Variants in CNRIP1 observed in about 807,000 individuals in gnomAD.
The protein encoded by CNRIP1 is CB1 cannabinoid receptor-interacting protein 1.
CNRIP1 carries 10 observed loss-of-function variants against 15.2 expected under a neutral mutation model. That is an observed-to-expected ratio of 0.66 (90% CI 0.41 to 1.12). CNRIP1 has a LOEUF of 1.12. Among genes scored for constraint, CNRIP1 ranks in the 50% most tolerant of loss-of-function variants. The probability of loss-of-function intolerance (pLI) is 0.00; values close to 1 mark genes in which losing one functional copy is unlikely to be tolerated. For synonymous variants in CNRIP1, 91 were observed against 83.2 expected (o/e 1.09, Z -0.51); for missense variants, 211 against 214.7 (o/e 0.98, Z 0.11).
exon 3 of CNRIP1, chr2:68,284,373 G>C (rs1183635345): frequency 9.5e-6 from 10 of 1,053,910 alleles, no homozygotes; most frequent in Non-Finnish European, 1.1e-5. Flanking sequence ...CAAATAATTT[G>C]GAAAAAAAAA....
At chr2:68,304,740 C>A (rs747305773) in intron 2 of CNRIP1, among the ~76,000 whole-genome samples, 5 of 151,970 alleles carry the variant, frequency 3.3e-5, no homozygotes, top group Non-Finnish European at 7.4e-5. Context: ...CCTGCCTCAA[C>A]CTCCCAAGTA....
intron 1 of CNRIP1, among the ~76,000 whole-genome samples, chr2:68,318,737 A>G (rs72906142): frequency 0.012 from 1,877 of 152,304 alleles, 42 homozygotes; most frequent in African/African-American, 0.043. Context: ...AGGGAGCCCC[A>G]GTAATCACCC....
chr2:68,297,567 CAAAAAAAAAAAAAAAAAAAAAAAAA>C (rs112601365), intron 2 of CNRIP1, among the ~76,000 whole-genome samples: 13,837 of 100,484 alleles, frequency 0.14, 1,534 homozygotes, highest in African/African-American at 0.33. Flanking sequence ...GACACTGTCT[CAAAAAAAAAAAAAAAAAAAAAAAAA>C]AAAAAAAGGA....
intron 2 of CNRIP1, among the ~76,000 whole-genome samples, chr2:68,306,805 T>G (rs1004925117): frequency 2.6e-5 from 4 of 151,458 alleles, no homozygotes; most frequent in African/African-American, 9.7e-5. Context: ...ATTACAAACT[T>G]ACCCTTAAGG....
chr2:68,300,490 G>T (rs1010348897), intron 2 of CNRIP1, among the ~76,000 whole-genome samples: 2 of 152,052 alleles, frequency 1.3e-5, no homozygotes, highest in African/African-American at 4.8e-5. Context: ...GGTGGTGGGT[G>T]CCTGTAATCC....
rs1237940471 is a variant in CNRIP1, at chr2:68,293,691, G to A, written c.*171C>T. The A allele has an allele frequency of 6.5e-6, 9 of 1,384,138 alleles. No individual in the cohort carries two copies. In the African/African-American group the frequency reaches 7.2e-5, roughly 11 times the overall value. 85.7% of individuals were successfully genotyped at this position (1,384,138 alleles called of 1,614,324 possible). ...TGGTACATCACCATCTTGTATGTGAGGGATATTGTGTCAGAGGGGAATTAC... is the reference window on the plus strand; with the variant it reads ...TGGTACATCACCATCTTGTATGTGAAGGATATTGTGTCAGAGGGGAATTAC... On this transcript the variant is annotated 3_prime_UTR_variant, in exon 3 of 3. Transcript: ENST00000263655.
intron 2 of CNRIP1, among the ~76,000 whole-genome samples, chr2:68,307,700 G>A (rs59572725): frequency 0.015 from 2,226 of 152,120 alleles, 56 homozygotes; most frequent in African/African-American, 0.049. Context: ...CTCCCCAGAT[G>A]TTAGATATGT....
chr2:68,318,112 A>G (rs1672344763), intron 1 of CNRIP1, among the ~76,000 whole-genome samples: 1 of 152,016 alleles, frequency 6.6e-6, no homozygotes, highest in African/African-American at 2.4e-5. Flanking sequence ...GGTGCACAGA[A>G]CACTGGGAAA....
chr2:68,302,939 C>T (rs977078714), intron 2 of CNRIP1, among the ~76,000 whole-genome samples: 4 of 151,218 alleles, frequency 2.6e-5, no homozygotes, highest in African/African-American at 4.9e-5. Flanking sequence ...CTCCGCCCCC[C>T]GGGGTTCACG....
chr2:68,289,481 C>CT (rs977972896), downstream of CNRIP1, among the ~76,000 whole-genome samples: 3 of 151,814 alleles, frequency 2.0e-5, no homozygotes, highest in Non-Finnish European at 4.4e-5. Flanking sequence ...CGCTCCTTTT[C>CT]TTTTTTTCTT....
At position 68,299,640 on chromosome 2, in the gene CNRIP1, C is replaced by A. The variant is rs531010803; in HGVS notation, c.331-5614G>T. The stretch of plus-strand genomic sequence containing the variant: ...TGGCATTTTGTTTTAGCAGCCCCAG[C>A]GGAGACAACACTCTACCTGGACATT... On this transcript the variant is annotated intron_variant, in intron 2 of 2. Transcript: ENST00000263655. Among the ~76,000 whole-genome samples the A allele has an allele frequency of 9.3e-4, 141 of 152,284 alleles. 1 individual carries two copies. Among genetic ancestry groups the A allele is most frequent in the African/African-American group, 3.1e-3 (129 of 41,556 alleles).
downstream of CNRIP1, among the ~76,000 whole-genome samples, chr2:68,288,790 T>G (rs2103878788): frequency 6.6e-6 from 1 of 152,276 alleles, no homozygotes; most frequent in South Asian, 2.1e-4. Context: ...AAGGCAAAAC[T>G]ACCAGGTTAT....
At chr2:68,301,817 G>A (rs191473939) in intron 2 of CNRIP1, among the ~76,000 whole-genome samples, 103 of 150,584 alleles carry the variant, frequency 6.8e-4, no homozygotes, top group Non-Finnish European at 9.3e-4. Context: ...GCGTGAACCC[G>A]GGAGGCGGAG....
At chr2:68,301,808 C>T (rs979205827) in intron 2 of CNRIP1, among the ~76,000 whole-genome samples, 4 of 144,258 alleles carry the variant, frequency 2.8e-5, no homozygotes, top group East Asian at 2.2e-4. Context: ...AGGAGAATGG[C>T]GTGAACCCGG....
chr2:68,318,405 C>T (rs538934418), intron 1 of CNRIP1, among the ~76,000 whole-genome samples: 1 of 152,160 alleles, frequency 6.6e-6, no homozygotes, highest in African/African-American at 2.4e-5. Flanking sequence ...GGGGCTCCAC[C>T]CGCAGTTCTT....
chr2:68,286,328 AC>A (rs1671030702), intron 2 of CNRIP1, among the ~76,000 whole-genome samples: 1 of 151,986 alleles, frequency 6.6e-6, no homozygotes, highest in African/African-American at 2.4e-5. Flanking sequence ...ACACACACAC[AC>A]ACACACACAC....
At chr2:68,301,467 G>T (rs749027394) in intron 2 of CNRIP1, among the ~76,000 whole-genome samples, 9 of 152,140 alleles carry the variant, frequency 5.9e-5, no homozygotes, top group Non-Finnish European at 1.2e-4. Flanking sequence ...AACAAGGCAA[G>T]AATATGTGTT....
chr2:68,287,057 T>C (rs1295132961), intron 2 of CNRIP1, among the ~76,000 whole-genome samples: 1 of 152,228 alleles, frequency 6.6e-6, no homozygotes, highest in East Asian at 1.9e-4. Context: ...TCATAATTTA[T>C]CTTATTTTTT....
At chr2:68,292,559 T>C (rs1166875993), downstream of CNRIP1, among the ~76,000 whole-genome samples, 1 of 152,154 alleles carries the variant, frequency 6.6e-6, no homozygotes, top group Admixed American at 6.5e-5. Context: ...TATTGGAAAA[T>C]AGCATGTTAC....
Sources: allele counts gnomAD v4.1 joint callset (sites outside exome capture counted in the v4.1 genomes callset), GRCh38; gene constraint gnomAD v4.1.1; transcripts MANE v1.5; gene names NCBI Gene and HGNC (gene_info 2026-07-23, HGNC 2026-07-21).